The following AHCYL2 variants were observed in gnomAD, a reference collection of about 807,000 sequenced individuals.
AHCYL2 encodes the protein S-adenosylhomocysteine hydrolase-like protein 2.
A neutral mutation model predicts 81.4 loss-of-function variants in AHCYL2; 28 were observed. That is an observed-to-expected ratio of 0.34 (90% CI 0.25 to 0.47). AHCYL2 has a LOEUF of 0.47. Among genes scored for constraint, AHCYL2 ranks in the 20% least tolerant of loss-of-function variants. AHCYL2 has a pLI of 1.00. For synonymous variants in AHCYL2, 272 were observed against 290.2 expected (o/e 0.94, Z 0.64); for missense variants, 551 against 785.1 (o/e 0.70, Z 3.56).
intron 1 of AHCYL2, among the ~76,000 whole-genome samples, chr7:129,310,246 A>G (rs1404297469): frequency 6.6e-6 from 1 of 152,188 alleles, no homozygotes; most frequent in Non-Finnish European, 1.5e-5. Context: ...AATCCTATCT[A>G]TATATACTCT....
At chr7:129,258,837 A>G (rs1449163878) in intron 1 of AHCYL2, among the ~76,000 whole-genome samples, 2 of 152,178 alleles carry the variant, frequency 1.3e-5, no homozygotes, top group African/African-American at 2.4e-5. Flanking sequence ...GCTGTGATGG[A>G]ATTAAAGTAA....
chr7:129,225,103 G>A lies in AHCYL2; in HGVS notation c.27G>A (p.Ala9=), dbSNP rs1232158833. 6.3e-7 allele frequency: 1 copy of A among 1,598,252 alleles called. No individual in the cohort carries two copies. Residue 9 remains alanine, a synonymous_variant, in exon 1 of 17, where the codon GCG becomes GCA. Transcript: ENST00000325006. ...TGTCGGTGCAGGTTGTGTCAGCCGC[G>A]GCTGCCGCCAAGGTGCCTGAGGTGG... is the stretch of plus-strand genomic sequence containing the variant. MSVQVVSA[A]AAAKVPEVEL... is the part of the protein sequence containing the mutation.
At chr7:129,238,677 C>T (rs1021091764) in intron 1 of AHCYL2, among the ~76,000 whole-genome samples, 3 of 152,128 alleles carry the variant, frequency 2.0e-5, no homozygotes, top group South Asian at 2.1e-4. Context: ...TGTGGCCGGG[C>T]GCGGTGGCTC....
At chr7:129,418,068 C>G (rs149867269) in intron 12 of AHCYL2, among the ~76,000 whole-genome samples, 2 of 151,992 alleles carry the variant, frequency 1.3e-5, no homozygotes, top group African/African-American at 4.8e-5. Context: ...GGTAAAAGAC[C>G]CTGAGGGAGA....
chr7:129,427,734 CCA>C lies in AHCYL2; in HGVS notation c.*692_*693del, dbSNP rs1484495195. On this transcript the variant is annotated 3_prime_UTR_variant, in exon 17 of 17. Coordinates refer to ENST00000325006, the MANE Select transcript of AHCYL2 (RefSeq NM_015328.4). The surrounding 1 kb of genome is among the most constrained non-coding windows in gnomAD (Gnocchi z 5.5). ...GAGGGATGTGCCTCCATTATTTCCT[CCA>C]CAGTTTTGGTATTTGTCAGACATTT... 2 of 152,620 alleles carry C rather than the reference CCA, an allele frequency of 1.3e-5. No individual in the cohort carries two copies. The highest frequency in any genetic ancestry group is 2.9e-5 in the Non-Finnish European group (2 of 68,050). 9.5% of individuals were successfully genotyped at this position (152,620 alleles called of 1,614,324 possible).
chr7:129,423,524 C>G (rs1165509861), intron 13 of AHCYL2, among the ~76,000 whole-genome samples: 2 of 152,282 alleles, frequency 1.3e-5, no homozygotes, highest in Admixed American at 6.5e-5. Context: ...GACCACTTTT[C>G]CTTTCTTAAA....
intron 1 of AHCYL2, among the ~76,000 whole-genome samples, chr7:129,322,796 C>T (rs932947434): frequency 6.6e-6 from 1 of 152,194 alleles, no homozygotes; most frequent in Middle Eastern, 3.4e-3. Flanking sequence ...TGCCAGGTTG[C>T]TCGGGCTGAT....
rs550456337 is a variant in AHCYL2, at chr7:129,399,454, AAAAAG to A, written c.824-825_824-821del. The stretch of plus-strand genomic sequence containing the variant: ...AGAGCAAGACTCCGTCTCAAAAAAA[AAAAAG>A]AAAAGAAAAGTTAAGATTCCTTGAG... On this transcript the variant is annotated intron_variant, in intron 5 of 16. Coordinates refer to ENST00000325006, the MANE Select transcript of AHCYL2 (RefSeq NM_015328.4). 9.1e-3 allele frequency among the ~76,000 whole-genome samples: 1,377 copies of A among 152,038 alleles called. 14 individuals carry two copies. Among genetic ancestry groups the A allele is most frequent in the Non-Finnish European group, 0.012 (829 of 67,988 alleles).
In AHCYL2 at chr7:129,300,822, A is replaced by G. The variant is rs371056197; in HGVS notation, c.363+75383A>G. Among the ~76,000 whole-genome samples the G allele has an allele frequency of 4.6e-5, 7 of 152,192 alleles. No individual in the cohort carries two copies. The East Asian group carries it at 9.6e-4, about 21-fold the overall frequency. ...TATACGCCATTTCAGCTGTGGCAAG[A>G]TATTTCATTGTAGTTTTTCTATGTT... On this transcript the variant is annotated intron_variant, in intron 1 of 16. Coordinates refer to ENST00000325006, the MANE Select transcript of AHCYL2 (RefSeq NM_015328.4).
At chr7:129,251,317 ATTTTTTTTTTTT>A (rs3042851) in intron 1 of AHCYL2, among the ~76,000 whole-genome samples, 11 of 119,502 alleles carry the variant, frequency 9.2e-5, no homozygotes, top group Non-Finnish European at 1.7e-4. Context: ...GATAGTAAAG[ATTTTTTTTTTTT>A]TTTTTTTTTT....
At chr7:129,249,217 C>A (rs1419845003) in intron 1 of AHCYL2, among the ~76,000 whole-genome samples, 1 of 151,808 alleles carries the variant, frequency 6.6e-6, no homozygotes, top group African/African-American at 2.4e-5. Context: ...AGGCTAGTGT[C>A]GAACTCCTAG....
At chr7:129,300,985 A>T (rs562202680) in intron 1 of AHCYL2, among the ~76,000 whole-genome samples, 5 of 152,126 alleles carry the variant, frequency 3.3e-5, no homozygotes, top group African/African-American at 9.6e-5. Context: ...AATCTGAATA[A>T]TTTTTGTATT....
chr7:129,237,127 GT>G (rs1185974682), intron 1 of AHCYL2, among the ~76,000 whole-genome samples: 2 of 151,822 alleles, frequency 1.3e-5, no homozygotes, highest in South Asian at 4.1e-4. Flanking sequence ...GGATTTACCA[GT>G]TTTTTTCCTT....
intron 5 of AHCYL2, among the ~76,000 whole-genome samples, chr7:129,397,825 A>G (rs1051076287): frequency 6.6e-6 from 1 of 152,250 alleles, no homozygotes; most frequent in Non-Finnish European, 1.5e-5. Context: ...GGACTTTGCC[A>G]GCCTCTTGCC....
intron 1 of AHCYL2, among the ~76,000 whole-genome samples, chr7:129,370,470 G>A (rs1032622413): frequency 3.9e-5 from 6 of 152,178 alleles, no homozygotes; most frequent in Non-Finnish European, 4.4e-5. Context: ...AGGCCAGGGC[G>A]GGCAGATCAC....
At position 129,368,585 on chromosome 7, in the gene AHCYL2, T is replaced by A. The variant is rs1244558884; in HGVS notation, c.364-11053T>A. 6.2e-7 allele frequency: 1 copy of A among 1,612,134 alleles called. No homozygotes were observed. Among genetic ancestry groups the A allele is most frequent in the Admixed American group, 1.7e-5 (1 of 59,988 alleles). On this transcript the variant is annotated intron_variant, in intron 1 of 16. Transcript: ENST00000325006. This position sits in a 1 kb window ranked among gnomAD's most constrained non-coding sequence, Gnocchi z 4.4. ...ACTGGTCGTTTTGTTTCTCCTTCTG[T>A]TTCTTGATAATGAGAGGCAACCATT...
In AHCYL2 at chr7:129,424,933, T is replaced by A. The variant is rs747278593; in HGVS notation, c.1620T>A (p.Ala540=). 1 of 1,613,960 alleles carries A rather than the reference T, an allele frequency of 6.2e-7. No homozygotes were observed. Among genetic ancestry groups the A allele is most frequent in the Non-Finnish European group, 8.5e-7 (1 of 1,179,994 alleles). The change falls in exon 14 of 17, where the codon GCT becomes GCA. Residue 540 remains alanine (A), a synonymous_variant. Coordinates refer to ENST00000325006, the MANE Select transcript of AHCYL2 (RefSeq NM_015328.4). The stretch of plus-strand genomic sequence containing the variant: ...CTACATTTGTGCTCTCAATCACTGC[T>A]ACTACTCAGGTAAGGCTTCCAGAGT... ...TVPTFVLSIT[A]TTQALALIEL...
chr7:129,285,834 T>C (rs1316334193), intron 1 of AHCYL2, among the ~76,000 whole-genome samples: 1 of 151,798 alleles, frequency 6.6e-6, no homozygotes, highest in Non-Finnish European at 1.5e-5. Context: ...CCTTGGTCTC[T>C]TGAGTAGCTG....
chr7:129,395,858 C>T (rs181408089), intron 4 of AHCYL2, among the ~76,000 whole-genome samples: 17 of 152,252 alleles, frequency 1.1e-4, no homozygotes, highest in African/African-American at 3.9e-4. Flanking sequence ...TTTCCCACAC[C>T]CAGCCTTTCG....
Sources: allele counts gnomAD v4.1 joint callset (sites outside exome capture counted in the v4.1 genomes callset), GRCh38; gene constraint gnomAD v4.1.1; non-coding constraint Gnocchi (gnomAD v3.1); transcripts MANE v1.5; gene names NCBI Gene and HGNC (gene_info 2026-07-23, HGNC 2026-07-21).